AFF1: variants seen among roughly 807,000 people sequenced by gnomAD.
AFF1 encodes the protein AF4/FMR2 family member 1.
Under a neutral mutation model 121.7 loss-of-function variants are expected in AFF1, and 48 were observed. The observed-to-expected ratio is 0.39, with a 90% CI of 0.31 to 0.50. AFF1 has a LOEUF of 0.50. Ranked by LOEUF, AFF1 falls within the 20% of genes least tolerant of loss-of-function variation. The pLI, the probability that AFF1 is intolerant of heterozygous loss-of-function variation, is 0.76. For missense variants in AFF1, 1,523 were observed against 1,511.7 expected (o/e 1.01, Z -0.12); for synonymous variants, 613 against 563.0 (o/e 1.09, Z -1.26).
At chr4:87,132,168 G>A (rs2149801924) in intron 18 of AFF1, 103 bp from the exon 19 acceptor site, 4 of 1,392,014 alleles carry the variant, frequency 2.9e-6, no homozygotes, top group Non-Finnish European at 3.9e-6. Context: ...AACTCACACA[G>A]GTGAGGCAAA....
chr4:87,116,747 G>C (rs1476363650), intron 12 of AFF1, among the ~76,000 whole-genome samples: 1 of 152,184 alleles, frequency 6.6e-6, no homozygotes, highest in African/African-American at 2.4e-5. Context: ...GGGATCCAGT[G>C]CTAGTAAGTG....
At chr4:87,013,923 T>A (rs146779217) in intron 2 of AFF1, among the ~76,000 whole-genome samples, 55 of 152,204 alleles carry the variant, frequency 3.6e-4, no homozygotes, top group Non-Finnish European at 8.8e-5. Context: ...CTTTGTGAGA[T>A]GGTGCATGTG....
intron 2 of AFF1, among the ~76,000 whole-genome samples, chr4:86,956,870 CAT>C (rs563982222): frequency 2.5e-4 from 38 of 152,202 alleles, no homozygotes; most frequent in Non-Finnish European, 4.1e-4. Context: ...CAATGTTCCA[CAT>C]ATGTTTTTAT....
In AFF1 at chr4:87,139,260, C is replaced by T. The variant is rs1219415178; in HGVS notation, c.*3559C>T. 4.3e-6 allele frequency: 1 copy of T among 232,712 alleles called. No homozygotes were observed. Among genetic ancestry groups the T allele is most frequent in the East Asian group, 6.0e-5 (1 of 16,530 alleles). 14.4% of individuals were successfully genotyped at this position (232,712 alleles called of 1,614,324 possible). Reference sequence around the variant, plus strand: ...TGCTACATGGCTCTTGCACCTTTTACTCCTCTGCTTTATGAAGTTTGAGTT... The same window carrying T: ...TGCTACATGGCTCTTGCACCTTTTATTCCTCTGCTTTATGAAGTTTGAGTT... On this transcript the variant is annotated 3_prime_UTR_variant, in exon 21 of 21. Coordinates refer to ENST00000395146, the MANE Select transcript of AFF1 (RefSeq NM_001166693.3).
intron 8 of AFF1, among the ~76,000 whole-genome samples, chr4:87,095,188 G>A (rs534300093): frequency 5.9e-5 from 9 of 152,204 alleles, no homozygotes; most frequent in South Asian, 4.1e-4. Context: ...GCATGATCTC[G>A]GCTCACTGCA....
At chr4:87,085,938 C>T (rs1253198041) in intron 5 of AFF1, among the ~76,000 whole-genome samples, 1 of 152,006 alleles carries the variant, frequency 6.6e-6, no homozygotes, top group African/African-American at 2.4e-5. Flanking sequence ...GGTGTTTCAC[C>T]ATCTTGGCCA....
chr4:86,982,094 A>C (rs1723797103), intron 2 of AFF1, among the ~76,000 whole-genome samples: 1 of 152,230 alleles, frequency 6.6e-6, no homozygotes, highest in Non-Finnish European at 1.5e-5. Context: ...GACTGTGGGA[A>C]TGTGCAGTGA....
At chr4:87,001,104 C>T (rs998155934) in intron 2 of AFF1, among the ~76,000 whole-genome samples, 3 of 150,818 alleles carry the variant, frequency 2.0e-5, no homozygotes, top group African/African-American at 7.3e-5. Context: ...TCTCCTCCTA[C>T]AGAGAACTGT....
chr4:86,999,794 T>C (rs1725538228), intron 2 of AFF1, among the ~76,000 whole-genome samples: 1 of 151,802 alleles, frequency 6.6e-6, no homozygotes, highest in Non-Finnish European at 1.5e-5. Context: ...ACTGGCATCA[T>C]AAAGGAAGCC....
chr4:87,056,580 A>G (rs1227872753), intron 4 of AFF1, among the ~76,000 whole-genome samples: 1 of 152,182 alleles, frequency 6.6e-6, no homozygotes, highest in Non-Finnish European at 1.5e-5. Context: ...TTTCCTATTA[A>G]ATAATCTGAA....
chr4:87,108,429 G>A, intron 11 of AFF1, 114 bp downstream of exon 11: 1 of 1,166,202 alleles, frequency 8.6e-7, no homozygotes, highest in Non-Finnish European at 1.2e-6. Flanking sequence ...TCTGTCCCAT[G>A]GGGCAATGCT....
At chr4:86,973,284 G>C (rs1172189369) in intron 2 of AFF1, among the ~76,000 whole-genome samples, 1 of 138,722 alleles carries the variant, frequency 7.2e-6, no homozygotes, top group African/African-American at 2.5e-5. Context: ...GACCAGTTTG[G>C]TTGGATCCCA....
chr4:87,134,689 A>G lies in AFF1; in HGVS notation c.3530A>G (p.Asn1177Ser). 6.2e-7 allele frequency: 1 copy of G among 1,610,516 alleles called. No homozygotes were observed. Among genetic ancestry groups the G allele is most frequent in the Non-Finnish European group, 8.5e-7 (1 of 1,177,306 alleles). ...CAGGCCGAGGCCCTCACGAGGAAGA[A>G]TAAAGGTAAATAAATGGCTTTGTGG... ...WEQAEALTRKNKEFFARLSTN... is the reference protein window; with the variant it reads ...WEQAEALTRKSKEFFARLSTN... The change falls in exon 20 of 21, where the codon AAT (asparagine) becomes AGT (serine). Residue 1177 changes from asparagine (N) to serine (S), a missense_variant. Coordinates refer to ENST00000395146, the MANE Select transcript of AFF1 (RefSeq NM_001166693.3).
chr4:87,071,586 G>A (rs1383436018), intron 4 of AFF1, among the ~76,000 whole-genome samples: 4 of 152,202 alleles, frequency 2.6e-5, no homozygotes, highest in East Asian at 1.9e-4. Context: ...AAAGCAGTGC[G>A]GTGGCTCCAG....
At chr4:87,120,984 C>T (rs1017336003) in intron 12 of AFF1, among the ~76,000 whole-genome samples, 1 of 150,278 alleles carries the variant, frequency 6.7e-6, no homozygotes, top group Non-Finnish European at 1.5e-5. Flanking sequence ...TTATGGCCTT[C>T]ACTCTTGCCC....
At chr4:86,990,033 G>C (rs1411083599) in intron 2 of AFF1, among the ~76,000 whole-genome samples, 1 of 152,076 alleles carries the variant, frequency 6.6e-6, no homozygotes, top group Non-Finnish European at 1.5e-5. Context: ...TCAGGGAATG[G>C]GAGACTAGGG....
intron 2 of AFF1, among the ~76,000 whole-genome samples, chr4:86,979,417 C>T (rs924842234): frequency 3.9e-5 from 6 of 152,144 alleles, no homozygotes; most frequent in African/African-American, 1.4e-4. Context: ...TCTCTTAACA[C>T]ACTGGGAAGC....
chr4:86,969,453 T>C (rs1722766039), intron 2 of AFF1, among the ~76,000 whole-genome samples: 1 of 151,700 alleles, frequency 6.6e-6, no homozygotes, highest in African/African-American at 2.4e-5. Context: ...CACTCCAGCC[T>C]GGGCAACAGA....
intron 11 of AFF1, among the ~76,000 whole-genome samples, chr4:87,113,129 A>G (rs1726723487): frequency 6.6e-6 from 1 of 152,236 alleles, no homozygotes; most frequent in Non-Finnish European, 1.5e-5. Context: ...TTATCAACAA[A>G]GGTTGAACTA....
Sources: gnomAD v4.1 joint callset for allele counts (sites outside exome capture counted in the v4.1 genomes callset) on GRCh38, gnomAD v4.1.1 for gene constraint, MANE v1.5 for transcripts, NCBI Gene and HGNC (gene_info 2026-07-23, HGNC 2026-07-21) for gene names.